The following XPNPEP1 variants were observed in gnomAD, a reference collection of about 807,000 sequenced individuals.
The protein encoded by XPNPEP1 is xaa-Pro aminopeptidase 1.
A neutral mutation model predicts 92.4 loss-of-function variants in XPNPEP1; 39 were observed. The ratio of observed to expected loss-of-function variants is 0.42; its 90% CI spans 0.33 to 0.55. The LOEUF (loss-of-function observed/expected upper bound fraction) is 0.55. Among genes scored for constraint, XPNPEP1 ranks in the 20% least tolerant of loss-of-function variants. The pLI, the probability that XPNPEP1 is intolerant of heterozygous loss-of-function variation, is 0.08. For missense variants in XPNPEP1, 654 were observed against 856.1 expected (o/e 0.76, Z 2.95); for synonymous variants, 307 against 299.4 (o/e 1.03, Z -0.26).
intron 2 of XPNPEP1, among the ~76,000 whole-genome samples, chr10:109,912,085 C>T (rs749729232): frequency 2.0e-5 from 3 of 152,194 alleles, no homozygotes; most frequent in Non-Finnish European, 2.9e-5. Context: ...TGATCTTCAT[C>T]ACTACCACCA....
chr10:109,866,222 A>G (rs1847135696), intron 20 of XPNPEP1, among the ~76,000 whole-genome samples: 1 of 152,164 alleles, frequency 6.6e-6, no homozygotes, highest in African/African-American at 2.4e-5. Flanking sequence ...AGGGACTACA[A>G]TCCAGCCAGG....
chr10:109,887,793 C>A (rs2133426904), intron 7 of XPNPEP1, among the ~76,000 whole-genome samples: 1 of 152,312 alleles, frequency 6.6e-6, no homozygotes, highest in East Asian at 1.9e-4. Flanking sequence ...AAAACTCAGT[C>A]TTTTCAGCAG....
At chr10:109,906,005 T>C (rs1849538240) in intron 3 of XPNPEP1, among the ~76,000 whole-genome samples, 1 of 152,210 alleles carries the variant, frequency 6.6e-6, no homozygotes, top group Non-Finnish European at 1.5e-5. Context: ...CCCAGGTTAA[T>C]ACAGGCCTGA....
chr10:109,907,966 C>A, intron 2 of XPNPEP1, 151 bp from the exon 3 acceptor site: 1 of 1,088,840 alleles, frequency 9.2e-7, no homozygotes, highest in Non-Finnish European at 1.3e-6. Context: ...CAGACCAAGA[C>A]CAAAGCTGCC....
At chr10:109,874,866 T>C (rs1342097086) in intron 15 of XPNPEP1, among the ~76,000 whole-genome samples, 1 of 152,142 alleles carries the variant, frequency 6.6e-6, no homozygotes, top group Non-Finnish European at 1.5e-5. Context: ...GGAGAATGGC[T>C]GCAACCCAGG....
intron 10 of XPNPEP1, among the ~76,000 whole-genome samples, chr10:109,881,527 A>T (rs146324208): frequency 7.2e-5 from 11 of 152,324 alleles, no homozygotes; most frequent in Non-Finnish European, 7.4e-5. Context: ...TTGTGATCTT[A>T]TCTCCTTTTC....
chr10:109,914,727 C>A (rs932721923), intron 2 of XPNPEP1, among the ~76,000 whole-genome samples: 1 of 142,366 alleles, frequency 7.0e-6, no homozygotes, highest in Admixed American at 7.6e-5. Flanking sequence ...ACCCGGGAGA[C>A]GGAGGTTGCA....
intron 2 of XPNPEP1, among the ~76,000 whole-genome samples, chr10:109,908,892 T>A (rs531816646): frequency 6.6e-6 from 1 of 152,328 alleles, no homozygotes; most frequent in Admixed American, 6.5e-5. Context: ...AAAAGTCTTA[T>A]CTTCTAGTGA....
At chr10:109,873,734 T>A (rs1480196027) in intron 15 of XPNPEP1, among the ~76,000 whole-genome samples, 1 of 152,174 alleles carries the variant, frequency 6.6e-6, no homozygotes, top group African/African-American at 2.4e-5. Context: ...AGCTGAAATG[T>A]CCATCAACTG....
At chr10:109,889,521 A>G (rs570019258) in intron 5 of XPNPEP1, among the ~76,000 whole-genome samples, 1 of 152,338 alleles carries the variant, frequency 6.6e-6, no homozygotes, top group African/African-American at 2.4e-5. Flanking sequence ...AACTCCCAGG[A>G]TGAGACAGCC....
rs866048540 is a variant in XPNPEP1 at position 109,912,350 on chromosome 10, A to T, written c.121+2661T>A. On this transcript the variant is annotated intron_variant, in intron 2 of 20. Coordinates refer to ENST00000502935, the MANE Select transcript of XPNPEP1 (RefSeq NM_020383.4). ...CCATAACCAATAGTTAGGATGTGGT[A>T]AGGGGCAGTGGCAGCAACAGTGAAG... is the stretch of plus-strand genomic sequence containing the variant. Among the ~76,000 whole-genome samples the T allele has an allele frequency of 2.6e-5, 4 of 152,224 alleles. No homozygotes were observed. In the South Asian group the frequency reaches 8.3e-4, roughly 32 times the overall value.
chr10:109,917,071 A>G (rs532981598), intron 1 of XPNPEP1, among the ~76,000 whole-genome samples: 248 of 149,210 alleles, frequency 1.7e-3, no homozygotes, highest in African/African-American at 5.5e-3. Flanking sequence ...TACTCTTGGC[A>G]GAGTAGACAG....
At chr10:109,868,811 G>T in intron 19 of XPNPEP1, 99 bp from the exon 20 acceptor site, 1 of 1,113,480 alleles carries the variant, frequency 9.0e-7, no homozygotes, top group Non-Finnish European at 1.3e-6. Context: ...AGAGCCAGGG[G>T]TAACTGGGAG....
At chr10:109,910,247 TAAG>T (rs1333217603) in intron 2 of XPNPEP1, among the ~76,000 whole-genome samples, 3 of 152,168 alleles carry the variant, frequency 2.0e-5, no homozygotes, top group Admixed American at 1.3e-4. Context: ...TTCTTTCACT[TAAG>T]AATATGCATT....
intron 5 of XPNPEP1, among the ~76,000 whole-genome samples, chr10:109,889,361 G>A (rs1848576723): frequency 6.6e-6 from 1 of 152,124 alleles, no homozygotes; most frequent in Non-Finnish European, 1.5e-5. Flanking sequence ...AAATTACCAT[G>A]CCCAGTTAAT....
chr10:109,911,053 C>A (rs926813439), intron 2 of XPNPEP1, among the ~76,000 whole-genome samples: 29 of 152,218 alleles, frequency 1.9e-4, no homozygotes, highest in African/African-American at 7.0e-4. Context: ...ATGGTGATCT[C>A]CAATAGAATC....
intron 3 of XPNPEP1, among the ~76,000 whole-genome samples, chr10:109,900,666 C>G (rs1849234525): frequency 6.6e-6 from 1 of 152,186 alleles, no homozygotes; most frequent in Non-Finnish European, 1.5e-5. Flanking sequence ...TACCCCAACT[C>G]TGAGATCCTG....
In XPNPEP1 at chr10:109,884,304, T is replaced by C. The variant is rs1158105686; in HGVS notation, c.749-156A>G. On this transcript the variant is annotated intron_variant, in intron 8 of 20. Transcript: ENST00000502935. Reference sequence around the variant, plus strand: ...GCTGGAAGCCTGACTCCCGTCTGGTTCCACCTCTGAGCTGCAATTGCTCAT... The same window carrying C: ...GCTGGAAGCCTGACTCCCGTCTGGTCCCACCTCTGAGCTGCAATTGCTCAT... 7.5e-6 allele frequency: 5 copies of C among 664,012 alleles called. No homozygotes were observed. In the East Asian group the frequency reaches 1.1e-4, roughly 15 times the overall value. 41.1% of individuals were successfully genotyped at this position (664,012 alleles called of 1,614,324 possible). A position where few individuals can be genotyped will look rare whatever the true frequency, so the allele number is the denominator to read the frequency against.
chr10:109,894,551 TTAA>T (rs1383412170), intron 3 of XPNPEP1, among the ~76,000 whole-genome samples: 1 of 108,528 alleles, frequency 9.2e-6, no homozygotes, highest in Non-Finnish European at 1.9e-5. Context: ...AAAACAAAAA[TTAA>T]AAAAAAAAAA....
Sources: gnomAD v4.1 joint callset for allele counts (sites outside exome capture counted in the v4.1 genomes callset) on GRCh38, gnomAD v4.1.1 for gene constraint, MANE v1.5 for transcripts, NCBI Gene and HGNC (gene_info 2026-07-23, HGNC 2026-07-21) for gene names.